The following FHAD1 variants were observed in gnomAD, a reference collection of about 807,000 sequenced individuals.
FHAD1 encodes forkhead-associated domain-containing protein 1.
A neutral mutation model predicts 191.3 loss-of-function variants in FHAD1; 146 were observed. The ratio of observed to expected loss-of-function variants is 0.76; its 90% confidence interval spans 0.67 to 0.88. FHAD1 has a LOEUF of 0.88. FHAD1 is among the 40% of genes least tolerant of loss of function. The pLI is 0.00. For synonymous variants in FHAD1, 616 were observed against 672.3 expected, an observed-to-expected ratio of 0.92 and a Z score of 1.29; for missense variants, 1,635 against 1,785.8, an observed-to-expected ratio of 0.92 and a Z score of 1.52.
chr1:15,341,866 G>A lies in FHAD1; in HGVS notation c.2108G>A (p.Arg703Lys), dbSNP rs1303798807. ...GAGGAGAAGCTCAAAGCCAAAATCAGGCAACTGACGGAAGAGAAGGCGGTA... is the reference window on the plus strand; with the variant it reads ...GAGGAGAAGCTCAAAGCCAAAATCAAGCAACTGACGGAAGAGAAGGCGGTA... ...EQEEKLKAKIRQLTEEKAALE... is the reference protein window; with the variant it reads ...EQEEKLKAKIKQLTEEKAALE... Residue 703 changes from arginine (R) to lysine (K), a missense_variant, in exon 16 of 34, where the codon AGG becomes AAG. Coordinates refer to ENST00000688493, the MANE Select transcript of FHAD1 (RefSeq NM_001391957.1). 3 of 1,551,546 alleles carry A rather than the reference G, an allele frequency of 1.9e-6. No homozygotes were observed.
chr1:15,374,986 G>A (rs1699211027), intron 27 of FHAD1, among the ~76,000 whole-genome samples: 1 of 151,326 alleles, frequency 6.6e-6, no homozygotes, highest in Non-Finnish European at 1.5e-5. Context: ...AGCCTCCCTA[G>A]TATCTAGGAC....
intron 2 of FHAD1, among the ~76,000 whole-genome samples, chr1:15,265,590 T>C (rs1035161849): frequency 2.0e-5 from 3 of 152,196 alleles, no homozygotes; most frequent in African/African-American, 7.2e-5. Context: ...AATCACGGCT[T>C]GACAGCTTCT....
At chr1:15,375,521 C>G in intron 27 of FHAD1, 82 bp from the exon 28 acceptor site, 1 of 1,320,622 alleles carries the variant, frequency 7.6e-7, no homozygotes, top group Non-Finnish European at 1.0e-6. Flanking sequence ...GTGTAAGTGT[C>G]CTGTAAATAG....
chr1:15,299,560 G>T (rs913914281), intron 5 of FHAD1, among the ~76,000 whole-genome samples: 4 of 152,176 alleles, frequency 2.6e-5, no homozygotes, highest in African/African-American at 9.7e-5. Flanking sequence ...AGGAAGGCAG[G>T]TGGGACAGGA....
chr1:15,288,579 G>A (rs1169318577), intron 3 of FHAD1, among the ~76,000 whole-genome samples: 1 of 152,250 alleles, frequency 6.6e-6, no homozygotes, highest in East Asian at 1.9e-4. Context: ...AGCTGGGCTG[G>A]AATCTCAGTG....
At chr1:15,360,170 GAAAC>G (rs1423823540) in intron 21 of FHAD1, among the ~76,000 whole-genome samples, 1 of 152,164 alleles carries the variant, frequency 6.6e-6, no homozygotes, top group African/African-American at 2.4e-5. Context: ...GAGAAACAAA[GAAAC>G]AAAATTAAAG....
intron 27 of FHAD1, among the ~76,000 whole-genome samples, 155 bp downstream of exon 27, chr1:15,374,786 A>G (rs1017915666): frequency 2.0e-5 from 3 of 151,962 alleles, no homozygotes; most frequent in African/African-American, 7.3e-5. Context: ...CCATGATCTC[A>G]GAGTCAAGTG....
intron 1 of FHAD1, among the ~76,000 whole-genome samples, chr1:15,242,184 G>C (rs1645460716): frequency 6.9e-6 from 1 of 145,096 alleles, no homozygotes; most frequent in African/African-American, 2.6e-5. Flanking sequence ...AGTGAGCCGA[G>C]ATCGCACCAC....
At position 15,327,126 on chromosome 1, in the gene FHAD1, C is replaced by G; in HGVS notation, c.1541C>G (p.Pro514Arg). The change falls in exon 12 of 34, where the codon CCC becomes CGC. Residue 514 changes from proline (P) to arginine (R), a missense_variant. Pro to Arg is a moderately radical substitution (Grantham distance 103). Transcript: ENST00000688493. This position sits in a 1 kb window ranked among gnomAD's most constrained non-coding sequence, Gnocchi z 5.1. ...YGRAKPFRDK[P>R]VTDQQLIEKI... ...CGGGCGAAGCCGTTCCGGGACAAGCCCGTCACCGACCAACAGGTTAGTCTG... is the reference window on the plus strand; with the variant it reads ...CGGGCGAAGCCGTTCCGGGACAAGCGCGTCACCGACCAACAGGTTAGTCTG... The G allele has an allele frequency of 2.6e-6, 4 of 1,551,220 alleles. No individual in the cohort carries two copies. The highest frequency in any genetic ancestry group is 3.5e-6 in the Non-Finnish European group (4 of 1,146,702).
intron 6 of FHAD1, among the ~76,000 whole-genome samples, chr1:15,306,574 TCCCCATGCTGTGTGCAGCCTAG>T (rs1670566195): frequency 2.6e-5 from 4 of 151,184 alleles, no homozygotes; most frequent in Admixed American, 2.6e-4. Context: ...AGGCCCGGGG[TCCCCATGCTGTGTGCAGCCTAG>T]GGACTTGGTG....
At chr1:15,370,953 G>A (rs1041812869) in intron 26 of FHAD1, among the ~76,000 whole-genome samples, 1 of 152,164 alleles carries the variant, frequency 6.6e-6, no homozygotes, top group Non-Finnish European at 1.5e-5. Flanking sequence ...AGCCAGGGCC[G>A]CAAACAGCTT....
At chr1:15,341,548 G>A (rs1341056241) in intron 15 of FHAD1, among the ~76,000 whole-genome samples, 188 bp from the exon 16 acceptor site, 1 of 152,218 alleles carries the variant, frequency 6.6e-6, no homozygotes, top group African/African-American at 2.4e-5. Flanking sequence ...AACAACTAGA[G>A]CTGGGATTCT....
chr1:15,302,750 A>G (rs1669236921), intron 6 of FHAD1, among the ~76,000 whole-genome samples: 1 of 152,144 alleles, frequency 6.6e-6, no homozygotes. Context: ...GATATTGTAT[A>G]TCAGTCAACA....
intron 3 of FHAD1, among the ~76,000 whole-genome samples, chr1:15,273,401 GT>G: frequency 6.6e-6 from 1 of 152,244 alleles, no homozygotes; most frequent in Non-Finnish European, 1.5e-5. Flanking sequence ...CATTTGCTAG[GT>G]TTGGGAACAT....
chr1:15,329,704 T>TAAA lies in FHAD1; in HGVS notation c.1906+172_1906+174dup. 4.6e-6 allele frequency: 2 copies of TAAA among 435,332 alleles called. No individual in the cohort carries two copies. Among genetic ancestry groups the TAAA allele is most frequent in the Admixed American group, 3.8e-5 (1 of 26,036 alleles). The allele number at this position is 435,332 out of a possible 1,614,324, so 27.0% of individuals were successfully genotyped here. The stretch of plus-strand genomic sequence containing the variant: ...CTCTGCTTGAGGCGTAATTTTCCAT[T>TAAA]AAAAAAAAAAACACACACATACAAG... On this transcript the variant is annotated intron_variant, in intron 14 of 33. Coordinates refer to ENST00000688493, the MANE Select transcript of FHAD1 (RefSeq NM_001391957.1). The surrounding 1 kb of genome is among the most constrained non-coding windows in gnomAD (Gnocchi z 5.0).
At position 15,365,858 on chromosome 1, in the gene FHAD1, C is replaced by G. The variant is rs765812225; in HGVS notation, c.3079C>G (p.Leu1027Val). 5 of 1,551,412 alleles carry G rather than the reference C, an allele frequency of 3.2e-6. No individual in the cohort carries two copies. Among genetic ancestry groups the G allele is most frequent in the Non-Finnish European group, 4.4e-6 (5 of 1,146,892 alleles). Residue 1027 changes from leucine (L) to valine (V), a missense_variant, in exon 24 of 34, where the codon CTG (leucine) becomes GTG (valine). By Grantham distance (32) the Leu-to-Val change is conservative (BLOSUM62 1). Transcript: ENST00000688493. The part of the protein sequence containing the change: ...DDLLAAQKEI[L>V]SQQEVIMKLR... ...CTTATTGGCTGCTCAGAAGGAAATT[C>G]TGTCTCAGCAGGAAGTCATCATGAA...
rs1262729558 is a variant in FHAD1 at position 15,311,276 on chromosome 1, G to T, written c.1040-1781G>T. ...CGGAGAGCACCCCGGAGATCTCAGAGGGTCCGCCTCAAGTCTTCAGCAGAG... is the reference window on the plus strand; with the variant it reads ...CGGAGAGCACCCCGGAGATCTCAGATGGTCCGCCTCAAGTCTTCAGCAGAG... On this transcript the variant is annotated intron_variant, in intron 7 of 33. Transcript: ENST00000688493. This position sits in a 1 kb window ranked among gnomAD's most constrained non-coding sequence, Gnocchi z 4.1. Among the ~76,000 whole-genome samples, 1 of 152,154 alleles carries T rather than the reference G, an allele frequency of 6.6e-6. No individual in the cohort carries two copies. The highest frequency in any genetic ancestry group is 1.9e-4 in the East Asian group (1 of 5,184).
intron 33 of FHAD1, among the ~76,000 whole-genome samples, chr1:15,397,020 TAAAAAAAA>T (rs5772637): frequency 8.6e-6 from 1 of 115,952 alleles, no homozygotes; most frequent in Non-Finnish European, 1.8e-5. Flanking sequence ...CCGTCTCTAC[TAAAAAAAA>T]AAAAAAAAAA....
intron 6 of FHAD1, 89 bp from the exon 7 acceptor site, chr1:15,308,524 T>C (rs1671252083): frequency 2.0e-6 from 3 of 1,500,866 alleles, no homozygotes; most frequent in Non-Finnish European, 2.7e-6. Context: ...AAACTCAATC[T>C]GAATCTTTCT....
Sources: gnomAD v4.1 joint callset for allele counts (sites outside exome capture counted in the v4.1 genomes callset) on GRCh38, gnomAD v4.1.1 for gene constraint, Gnocchi (gnomAD v3.1) non-coding constraint, MANE v1.5 for transcripts, NCBI Gene and HGNC (gene_info 2026-07-23, HGNC 2026-07-21) for gene names.